SAMD5: variants seen among roughly 807,000 people sequenced by gnomAD.
The protein encoded by SAMD5 is sterile alpha motif domain containing 5.
Under a neutral mutation model 11.3 loss-of-function variants are expected in SAMD5, and 13 were observed. That is an observed-to-expected ratio of 1.15 (90% CI 0.75 to 1.83). The LOEUF is 1.83. Among genes scored for constraint, SAMD5 ranks in the 40% most tolerant of loss-of-function variants. The pLI, the probability that SAMD5 is intolerant of heterozygous loss-of-function variation, is 0.00. For missense variants in SAMD5, 255 were observed against 239.1 expected, an observed-to-expected ratio of 1.07 and a Z score of -0.44; for synonymous variants, 129 against 111.3, an observed-to-expected ratio of 1.16 and a Z score of -1.00.
the SAMD5 span, among the ~76,000 whole-genome samples, chr6:147,820,258 T>C: frequency 1.7e-3 from 260 of 152,346 alleles, 3 homozygotes; most frequent in African/African-American, 6.1e-3. Context: ...ACTTAGGTTT[T>C]AGAGGTGAGT....
the SAMD5 span, among the ~76,000 whole-genome samples, chr6:147,858,231 A>G: frequency 5.9e-5 from 9 of 152,182 alleles, no homozygotes; most frequent in South Asian, 6.2e-4. Flanking sequence ...GCCTGCGCAT[A>G]TTGCCATTGG....
the SAMD5 span, among the ~76,000 whole-genome samples, chr6:147,940,415 G>T: frequency 1.3e-5 from 2 of 152,136 alleles, no homozygotes; most frequent in African/African-American, 4.8e-5. Context: ...CCACCTTAAA[G>T]CGTGTTCATC....
the SAMD5 span, among the ~76,000 whole-genome samples, chr6:147,768,983 G>T: frequency 6.6e-6 from 1 of 152,060 alleles, no homozygotes; most frequent in Non-Finnish European, 1.5e-5. Context: ...TAGTAGAGAT[G>T]GGGTTTCACC....
chr6:147,702,019 T>C (rs1470245913), intron 1 of SAMD5, among the ~76,000 whole-genome samples: 1 of 152,208 alleles, frequency 6.6e-6, no homozygotes, highest in Non-Finnish European at 1.5e-5. Context: ...AAAAAAGACA[T>C]ACCTGAAACT....
chr6:147,546,596 C>T (rs1361934974), intron 1 of SAMD5, among the ~76,000 whole-genome samples: 2 of 151,442 alleles, frequency 1.3e-5, no homozygotes, highest in African/African-American at 2.4e-5. Context: ...TCCCATTGAC[C>T]AGAGCTCCAT....
rs1789048445 is a variant in SAMD5, at chr6:147,566,767, A to G, written c.*2311A>G. The G allele has an allele frequency of 2.0e-6, 2 of 984,810 alleles. No individual in the cohort carries two copies. The highest frequency in any genetic ancestry group is 3.5e-5 in the African/African-American group (2 of 57,230). The allele number at this position is 984,810 out of a possible 1,614,324, so 61.0% of individuals were successfully genotyped here. On this transcript the variant is annotated 3_prime_UTR_variant, in exon 2 of 2. Coordinates refer to ENST00000367474, the MANE Select transcript of SAMD5 (RefSeq NM_001030060.3). ...TTAAAGCTAGAGGAAGAAAACTTCA[A>G]ATAAGCAAAGAAGTATTGAAGGATG...
the SAMD5 span, among the ~76,000 whole-genome samples, chr6:147,777,703 T>G: frequency 6.6e-6 from 1 of 152,294 alleles, no homozygotes; most frequent in Non-Finnish European, 1.5e-5. Context: ...CAGCCCTTGG[T>G]AACCTCTCCT....
downstream of SAMD5, among the ~76,000 whole-genome samples, chr6:147,741,173 C>T (rs757484521): frequency 6.6e-6 from 1 of 152,060 alleles, no homozygotes; most frequent in African/African-American, 2.4e-5. Context: ...GAGGTAAAGA[C>T]ATGAAACCTT....
chr6:147,764,881 A>G, the SAMD5 span, among the ~76,000 whole-genome samples: 1 of 152,144 alleles, frequency 6.6e-6, no homozygotes, highest in South Asian at 2.1e-4. Flanking sequence ...TGATGTCAAG[A>G]TTGCACTTTT....
chr6:147,698,800 G>A (rs1196658483), intron 1 of SAMD5, among the ~76,000 whole-genome samples: 1 of 152,200 alleles, frequency 6.6e-6, no homozygotes, highest in East Asian at 1.9e-4. Context: ...TGATATCATG[G>A]AGATTAAACA....
At chr6:147,789,028 G>A in the SAMD5 span, among the ~76,000 whole-genome samples, 1 of 151,546 alleles carries the variant, frequency 6.6e-6, no homozygotes, top group African/African-American at 2.4e-5. Flanking sequence ...AGCTTGCAGT[G>A]AGCCCAGATC....
chr6:147,895,405 G>T, the SAMD5 span, among the ~76,000 whole-genome samples: 2 of 152,086 alleles, frequency 1.3e-5, no homozygotes, highest in African/African-American at 4.8e-5. Context: ...ATTTATTCTT[G>T]TCAGGTCTAG....
chr6:147,918,338 G>A, the SAMD5 span, among the ~76,000 whole-genome samples: 1 of 152,052 alleles, frequency 6.6e-6, no homozygotes, highest in African/African-American at 2.4e-5. Context: ...GTGAGTGGGA[G>A]TTCACTCATT....
intron 1 of SAMD5, among the ~76,000 whole-genome samples, chr6:147,616,091 T>G (rs1368349341): frequency 1.6e-5 from 2 of 127,400 alleles, no homozygotes; most frequent in Non-Finnish European, 3.8e-5. Context: ...GCAGTCCCTG[T>G]GAGGACTGAG....
At chr6:147,877,875 C>T in the SAMD5 span, among the ~76,000 whole-genome samples, 1 of 88,926 alleles carries the variant, frequency 1.1e-5, no homozygotes, top group African/African-American at 4.6e-5. Context: ...CACACACACA[C>T]ACACACGATA....
At chr6:147,671,392 A>G (rs1174224667) in intron 1 of SAMD5, among the ~76,000 whole-genome samples, 1 of 152,232 alleles carries the variant, frequency 6.6e-6, no homozygotes, top group Non-Finnish European at 1.5e-5. Flanking sequence ...AGAGTGCAGT[A>G]TCTGAAAACT....
the SAMD5 span, among the ~76,000 whole-genome samples, chr6:147,823,436 T>TA: frequency 1.2e-3 from 188 of 152,010 alleles, no homozygotes; most frequent in East Asian, 5.8e-4. Flanking sequence ...TCCAGTGGCA[T>TA]AAAAAAACCC....
chr6:147,528,191 C>A (rs750058749), intron 1 of SAMD5, among the ~76,000 whole-genome samples: 1 of 152,116 alleles, frequency 6.6e-6, no homozygotes, highest in Admixed American at 6.5e-5. Context: ...ACTCAGGAAC[C>A]GGATAAACCA....
chr6:147,509,447 G>C, intron 1 of SAMD5, 60 bp downstream of exon 1: 1 of 1,444,066 alleles, frequency 6.9e-7, no homozygotes, highest in South Asian at 1.3e-5. Flanking sequence ...CAGCCCAGCT[G>C]CCTGTGCCAA....
Sources: allele counts gnomAD v4.1 joint callset (sites outside exome capture counted in the v4.1 genomes callset), GRCh38; gene constraint gnomAD v4.1.1; transcripts MANE v1.5; gene names NCBI Gene and HGNC (gene_info 2026-07-23, HGNC 2026-07-21).